The following DPP6 variants were observed in gnomAD, a reference collection of about 807,000 sequenced individuals.
DPP6 encodes the protein A-type potassium channel modulatory protein DPP6.
A neutral mutation model predicts 122.6 loss-of-function variants in DPP6; 69 were observed. The ratio of observed to expected loss-of-function variants is 0.56; its 90% CI spans 0.46 to 0.69. The LOEUF (loss-of-function observed/expected upper bound fraction) is 0.69. DPP6 is among the 30% of genes least tolerant of loss of function. The pLI is 0.00. For synonymous variants in DPP6, 418 were observed against 433.1 expected (o/e 0.97, Z 0.43); for missense variants, 928 against 1,116.9 (o/e 0.83, Z 2.41).
chr7:154,655,207 C>T (rs942426821), intron 6 of DPP6, among the ~76,000 whole-genome samples: 1 of 152,136 alleles, frequency 6.6e-6, no homozygotes, highest in African/African-American at 2.4e-5. Context: ...GTTAGGTTTG[C>T]CCCCTCACTC....
At position 154,880,942 on chromosome 7, in the gene DPP6, G is replaced by A. The variant is rs368078849; in HGVS notation, c.2133G>A (p.Lys711=). 6.2e-7 allele frequency: 1 copy of A among 1,613,836 alleles called. No homozygotes were observed. Among genetic ancestry groups the A allele is most frequent in the Non-Finnish European group, 8.5e-7 (1 of 1,179,882 alleles). The part of the protein sequence containing the change: ...IDRTRVAVFG[K]DYGGYLSTYI... The stretch of plus-strand genomic sequence containing the variant: ...GGACGCGCGTGGCCGTGTTTGGGAA[G>A]GTGAGTCTGCGCCACCCTGGTCTGA... Residue 711 remains lysine (K), a splice_region_variant and synonymous_variant, in exon 21 of 26, where the codon AAG becomes AAA. Coordinates refer to ENST00000377770, the MANE Select transcript of DPP6 (RefSeq NM_130797.4).
the DPP6 span, among the ~76,000 whole-genome samples, chr7:153,774,830 T>A: frequency 1.4e-4 from 21 of 152,012 alleles, no homozygotes; most frequent in African/African-American, 5.1e-4. Flanking sequence ...CTGGACGTGG[T>A]GATATGCACC....
At chr7:154,588,323 C>T (rs890460993) in intron 5 of DPP6, 3 of 613,842 alleles carry the variant, frequency 4.9e-6, no homozygotes, top group Admixed American at 7.0e-5. Context: ...AGGAGACTGG[C>T]TCTCCTGGAT....
At chr7:154,515,754 G>A (rs554236901) in intron 3 of DPP6, among the ~76,000 whole-genome samples, 1 of 152,246 alleles carries the variant, frequency 6.6e-6, no homozygotes, top group Non-Finnish European at 1.5e-5. Flanking sequence ...GATTACAGAC[G>A]TGAGCTATTG....
intron 1 of DPP6, among the ~76,000 whole-genome samples, chr7:154,362,580 ATT>A (rs35131020): frequency 1.7e-4 from 22 of 133,084 alleles, no homozygotes; most frequent in Admixed American, 1.5e-4. Context: ...ATGCCATGCT[ATT>A]TTTTTTTTTT....
chr7:154,273,792 A>C lies in DPP6; in HGVS notation c.244-172422A>C, dbSNP rs954862884. Among the ~76,000 whole-genome samples the C allele has an allele frequency of 1.3e-5, 2 of 152,252 alleles. 1 individual carries two copies. Among genetic ancestry groups the C allele is most frequent in the Non-Finnish European group, 2.9e-5 (2 of 68,044 alleles). The stretch of plus-strand genomic sequence containing the variant: ...GAGGACATTATAGTCAGACTGGCAC[A>C]AGCAAAGAAACAGTTACAGCAGCAC... On this transcript the variant is annotated intron_variant, in intron 1 of 25. Transcript: ENST00000377770.
intron 1 of DPP6, among the ~76,000 whole-genome samples, chr7:154,323,696 G>A (rs1808175751): frequency 6.6e-6 from 1 of 152,146 alleles, no homozygotes; most frequent in Non-Finnish European, 1.5e-5. Context: ...ACAGATTTCA[G>A]CCTTAGTTCC....
chr7:154,108,889 G>A (rs1391974576), intron 1 of DPP6, among the ~76,000 whole-genome samples: 1 of 152,240 alleles, frequency 6.6e-6, no homozygotes, highest in Admixed American at 6.5e-5. Context: ...AGTAATTGGG[G>A]AAGTTATTAC....
chr7:153,960,643 G>A (rs1392812709), intron 1 of DPP6, among the ~76,000 whole-genome samples: 6 of 130,366 alleles, frequency 4.6e-5, no homozygotes, highest in Admixed American at 2.6e-4. Context: ...GTGTGTGCAC[G>A]TGTGTGTGTG....
intron 1 of DPP6, among the ~76,000 whole-genome samples, chr7:154,293,608 C>A (rs1389111349): frequency 1.3e-5 from 2 of 152,170 alleles, no homozygotes; most frequent in African/African-American, 4.8e-5. Context: ...CTGCTGAATT[C>A]ATTTGCATTC....
the DPP6 span, among the ~76,000 whole-genome samples, chr7:153,871,420 G>A: frequency 3.6e-3 from 542 of 152,324 alleles, 3 homozygotes; most frequent in African/African-American, 0.012. Flanking sequence ...AGTAATGAGC[G>A]AGGCTCCGTG....
intron 7 of DPP6, among the ~76,000 whole-genome samples, chr7:154,699,828 C>T (rs1410531857): frequency 1.4e-4 from 21 of 152,308 alleles, no homozygotes; most frequent in Non-Finnish European, 1.5e-5. Context: ...TTCTCCAAGC[C>T]TGCATCTCAG....
chr7:154,556,258 AT>A (rs1830034022), intron 4 of DPP6, among the ~76,000 whole-genome samples: 1 of 152,210 alleles, frequency 6.6e-6, no homozygotes, highest in South Asian at 2.1e-4. Flanking sequence ...GGCATAAAAA[AT>A]TGAGAAATTT....
chr7:154,584,638 C>A (rs1322944365), intron 5 of DPP6, among the ~76,000 whole-genome samples: 1 of 152,246 alleles, frequency 6.6e-6, no homozygotes, highest in Non-Finnish European at 1.5e-5. Context: ...GCAGCTGCAG[C>A]TTCCAGGATT....
chr7:154,640,009 C>T (rs2220443), intron 6 of DPP6, among the ~76,000 whole-genome samples: 93,336 of 151,950 alleles, frequency 0.61, 28,987 homozygotes, highest in Middle Eastern at 0.73. Flanking sequence ...CCCAACACTC[C>T]GGGAGGCCAA....
chr7:154,262,004 GAAGGGAGGGAGA>G (rs939177624), intron 1 of DPP6, among the ~76,000 whole-genome samples: 3 of 151,838 alleles, frequency 2.0e-5, no homozygotes, highest in African/African-American at 7.3e-5. Flanking sequence ...AGGAAGGAAG[GAAGGGAGGGAGA>G]GAGGGAGAGA....
At chr7:153,827,906 C>A in the DPP6 span, among the ~76,000 whole-genome samples, 1 of 152,178 alleles carries the variant, frequency 6.6e-6, no homozygotes, top group East Asian at 1.9e-4. Flanking sequence ...CTACCCTCCA[C>A]TGGGGGTTGT....
intron 1 of DPP6, among the ~76,000 whole-genome samples, chr7:153,938,687 C>T (rs1801568522): frequency 6.6e-6 from 1 of 152,224 alleles, no homozygotes; most frequent in African/African-American, 2.4e-5. Context: ...ACGGCCTCCT[C>T]TCGCCTTCCC....
intron 1 of DPP6, among the ~76,000 whole-genome samples, chr7:154,423,665 A>G (rs1321853546): frequency 6.6e-6 from 1 of 152,254 alleles, no homozygotes; most frequent in African/African-American, 2.4e-5. Flanking sequence ...ATACCCAAAC[A>G]GAGAATACAG....
Sources: gnomAD v4.1 joint callset for allele counts (sites outside exome capture counted in the v4.1 genomes callset) on GRCh38, gnomAD v4.1.1 for gene constraint, MANE v1.5 for transcripts, NCBI Gene and HGNC (gene_info 2026-07-23, HGNC 2026-07-21) for gene names.